The following SPATA6L variants were observed in gnomAD, a reference collection of about 807,000 sequenced individuals.
The protein encoded by SPATA6L is spermatogenesis associated 6 like, also known as spermatogenesis associated 6-like protein.
SPATA6L carries 68 observed loss-of-function variants against 49.2 expected under a neutral mutation model. The observed-to-expected ratio is 1.38, with a 90% confidence interval of 1.14 to 1.69. The LOEUF is 1.69. Ranked by LOEUF, SPATA6L falls within the 40% of genes most tolerant of loss-of-function variation. SPATA6L has a pLI of 0.00. For synonymous variants in SPATA6L, 198 were observed against 165.7 expected (o/e 1.19, Z -1.50); for missense variants, 668 against 464.3 (o/e 1.44, Z -4.03).
chr9:4,665,361 G>A (rs764372912), intron 1 of SPATA6L: 35 of 152,622 alleles, frequency 2.3e-4, no homozygotes, highest in Non-Finnish European at 3.7e-4. Flanking sequence ...AATTTTTAGA[G>A]CTTAAAACTG....
At chr9:4,623,245 A>G (rs1008096937) in intron 6 of SPATA6L, among the ~76,000 whole-genome samples, 5 of 152,224 alleles carry the variant, frequency 3.3e-5, no homozygotes, top group African/African-American at 1.2e-4. Flanking sequence ...ATGCCATTGT[A>G]CTCCAGCCTG....
At chr9:4,627,752 C>G in intron 5 of SPATA6L, 1 of 1,289,302 alleles carries the variant, frequency 7.8e-7, no homozygotes, top group South Asian at 1.2e-5. Context: ...TTCACGCTTA[C>G]CAAAGACGGA....
intron 3 of SPATA6L, among the ~76,000 whole-genome samples, chr9:4,643,880 G>A (rs1171305052): frequency 6.6e-6 from 1 of 152,020 alleles, no homozygotes; most frequent in African/African-American, 2.4e-5. Context: ...ATTGGCAGGT[G>A]CCCATAATTC....
rs890747621 is a variant in SPATA6L at position 4,600,078 on chromosome 9, T to C, written c.*733A>G. On this transcript the variant is annotated 3_prime_UTR_variant, in exon 12 of 12. Transcript: ENST00000682582. ...TTGGCAGTCCTATCTGTAGAACCTA[T>C]TTACTTAATGTGTAGTTCTTTTGGA... Among the ~76,000 whole-genome samples, 1 of 152,228 alleles carries C rather than the reference T, an allele frequency of 6.6e-6. No homozygotes were observed. Among genetic ancestry groups the C allele is most frequent in the Non-Finnish European group, 1.5e-5 (1 of 68,042 alleles).
At chr9:4,606,822 G>C (rs1188121996) in intron 9 of SPATA6L, among the ~76,000 whole-genome samples, 2 of 148,364 alleles carry the variant, frequency 1.3e-5, no homozygotes, top group South Asian at 2.1e-4. Context: ...GAGAGAAGAA[G>C]GCTTCAGACG....
chr9:4,653,652 A>G (rs942089997), intron 3 of SPATA6L, among the ~76,000 whole-genome samples: 5 of 152,212 alleles, frequency 3.3e-5, no homozygotes, highest in African/African-American at 4.8e-5. Flanking sequence ...TTTACAGGCC[A>G]GGCACAGCGG....
chr9:4,594,203 T>A (rs7874932), downstream of SPATA6L, among the ~76,000 whole-genome samples: 1 of 151,900 alleles, frequency 6.6e-6, no homozygotes, highest in Non-Finnish European at 1.5e-5. Context: ...TTGGGAATTG[T>A]GGGTTTTTGT....
At chr9:4,663,056 C>G (rs762053836) in intron 1 of SPATA6L, 2 of 1,613,870 alleles carry the variant, frequency 1.2e-6, no homozygotes, top group African/African-American at 1.3e-5. Context: ...TCATCCTGAA[C>G]CACCTGGTGC....
chr9:4,655,999 AAT>A, intron 3 of SPATA6L, 40 bp downstream of exon 3: 2 of 1,497,186 alleles, frequency 1.3e-6, no homozygotes, highest in Non-Finnish European at 1.8e-6. Flanking sequence ...AATTACACAC[AAT>A]AGTCTTTTGG....
intron 3 of SPATA6L, among the ~76,000 whole-genome samples, chr9:4,641,559 G>A (rs1299058976): frequency 6.6e-6 from 1 of 152,090 alleles, no homozygotes; most frequent in African/African-American, 2.4e-5. Context: ...CTAATGACAA[G>A]AAAAAGTCTG....
intron 4 of SPATA6L, chr9:4,632,884 C>T (rs117309539): frequency 3.3e-5 from 5 of 152,274 alleles, no homozygotes; most frequent in Non-Finnish European, 7.3e-5. Flanking sequence ...TTCTCCAGTT[C>T]AGAATAATAC....
Position 4,598,981 on chromosome 9 carries a change from G to C in SPATA6L, c.*1830C>G, listed in dbSNP as rs558915468. ...AGAAGTATTTTAAACTTGGGTTTTG[G>C]TTTTTGTTTTTGTATTTTGGAATAT... On this transcript the variant is annotated 3_prime_UTR_variant, in exon 12 of 12. Coordinates refer to ENST00000682582, the MANE Select transcript of SPATA6L (RefSeq NM_001353486.2). 2.3e-3 allele frequency among the ~76,000 whole-genome samples: 344 copies of C among 152,268 alleles called. 1 individual carries two copies. The highest frequency in any genetic ancestry group is 8.0e-3 in the African/African-American group (334 of 41,542).
intron 13 of SPATA6L, among the ~76,000 whole-genome samples, chr9:4,590,062 T>C (rs1821806492): frequency 6.6e-6 from 1 of 152,148 alleles, no homozygotes; most frequent in African/African-American, 2.4e-5. Flanking sequence ...TAACTGAGAT[T>C]ACAGGTGTGC....
At chr9:4,614,888 G>A (rs1048107286) in intron 9 of SPATA6L, among the ~76,000 whole-genome samples, 2 of 152,180 alleles carry the variant, frequency 1.3e-5, no homozygotes, top group African/African-American at 2.4e-5. Flanking sequence ...CTGGTCTGCA[G>A]CTAAGACTCA....
At chr9:4,648,456 T>C (rs984838529) in intron 3 of SPATA6L, among the ~76,000 whole-genome samples, 4 of 152,126 alleles carry the variant, frequency 2.6e-5, no homozygotes, top group Admixed American at 6.5e-5. Flanking sequence ...TCCCAGCACT[T>C]TGGGAGGCCG....
At position 4,615,846 on chromosome 9, in the gene SPATA6L, T is replaced by G. The variant is rs141148563; in HGVS notation, c.995+2077A>C. Among the ~76,000 whole-genome samples the G allele has an allele frequency of 2.2e-4, 34 of 152,272 alleles. No homozygotes were observed. The East Asian group carries it at 6.4e-3, about 28-fold the overall frequency. ...CTTGCTGTACTGCTTTTAAGGAGTT[T>G]GGGAGGTGTTATAGATACCAGGCAC... On this transcript the variant is annotated intron_variant, in intron 9 of 11. Coordinates refer to ENST00000682582, the MANE Select transcript of SPATA6L (RefSeq NM_001353486.2).
intron 9 of SPATA6L, among the ~76,000 whole-genome samples, chr9:4,607,271 T>C (rs1330041586): frequency 6.6e-6 from 1 of 151,976 alleles, no homozygotes; most frequent in African/African-American, 2.4e-5. Context: ...AGGCCAACAT[T>C]CAGATTCAGG....
At chr9:4,663,439 T>G in intron 1 of SPATA6L, 1 of 686,262 alleles carries the variant, frequency 1.5e-6, no homozygotes. Flanking sequence ...TGGCCATTAC[T>G]GAACACAGCC....
At position 4,662,708 on chromosome 9, in the gene SPATA6L, G is replaced by C. The variant is rs1233186508; in HGVS notation, c.40-672C>G. 2.5e-6 allele frequency: 4 copies of C among 1,601,950 alleles called. No homozygotes were observed. Among genetic ancestry groups the C allele is most frequent in the Non-Finnish European group, 3.4e-6 (4 of 1,179,914 alleles). The stretch of plus-strand genomic sequence containing the variant: ...TGCGCTCCCTGCTGGCCATCGACCT[G>C]TGGCTGTCCAAGAAGCTGGGGGTGT... On this transcript the variant is annotated intron_variant, in intron 1 of 11. Coordinates refer to ENST00000682582, the MANE Select transcript of SPATA6L (RefSeq NM_001353486.2). The surrounding 1 kb of genome is among the most constrained non-coding windows in gnomAD (Gnocchi z 4.9).
Sources: allele counts gnomAD v4.1 joint callset (sites outside exome capture counted in the v4.1 genomes callset), GRCh38; gene constraint gnomAD v4.1.1; non-coding constraint Gnocchi (gnomAD v3.1); transcripts MANE v1.5; gene names NCBI Gene and HGNC (gene_info 2026-07-23, HGNC 2026-07-21).